The following SRD5A1 variants were observed in gnomAD, a reference collection of about 807,000 sequenced individuals.
SRD5A1 encodes the protein 3-oxo-5-alpha-steroid 4-dehydrogenase 1.
SRD5A1 carries 22 observed loss-of-function variants against 28.2 expected under a neutral mutation model. The observed-to-expected ratio is 0.78, with a 90% CI of 0.56 to 1.12. SRD5A1 has a LOEUF of 1.12. Among genes scored for constraint, SRD5A1 ranks in the 50% most tolerant of loss-of-function variants. The pLI, the probability that SRD5A1 is intolerant of heterozygous loss-of-function variation, is 0.00. For synonymous variants in SRD5A1, 151 were observed against 135.0 expected (o/e 1.12, Z -0.82); for missense variants, 300 against 346.7 (o/e 0.87, Z 1.07).
At chr5:6,661,357 A>G (rs1738993753) in intron 3 of SRD5A1, among the ~76,000 whole-genome samples, 1 of 149,392 alleles carries the variant, frequency 6.7e-6, no homozygotes, top group South Asian at 2.1e-4. Context: ...CCTAGCCAGC[A>G]TAGTGAAACC....
At chr5:6,650,332 G>A (rs373916539) in intron 1 of SRD5A1, among the ~76,000 whole-genome samples, 93 of 151,326 alleles carry the variant, frequency 6.1e-4, no homozygotes, top group African/African-American at 1.2e-3. Context: ...GATCACTTGA[G>A]CCTAGGATGT....
In SRD5A1 at chr5:6,674,172, A is replaced by T. The variant is rs1167664127; in HGVS notation, c.*5904A>T. ...TTATTATCTAAAATGTTATTTAATT[A>T]TTAAATTTAGATGCTACTTAATTTT... is the stretch of plus-strand genomic sequence containing the variant. On this transcript the variant is annotated 3_prime_UTR_variant, in exon 5 of 5. Coordinates refer to ENST00000274192, the MANE Select transcript of SRD5A1 (RefSeq NM_001047.4). The T allele has an allele frequency of 2.7e-5, 4 of 150,618 alleles. No homozygotes were observed. The highest frequency in any genetic ancestry group is 4.4e-5 in the Non-Finnish European group (3 of 67,970). 9.3% of individuals were successfully genotyped at this position (150,618 alleles called of 1,614,324 possible). A position where few individuals can be genotyped will look rare whatever the true frequency, so the allele number is the denominator to read the frequency against.
At chr5:6,636,347 A>G (rs2126522793) in intron 1 of SRD5A1, among the ~76,000 whole-genome samples, 1 of 152,206 alleles carries the variant, frequency 6.6e-6, no homozygotes, top group South Asian at 2.1e-4. Context: ...GGAGAACACC[A>G]CACCCGGTGA....
rs1739308658 is a variant in SRD5A1 at position 6,669,778 on chromosome 5, C to T, written c.*1510C>T. 1 of 152,212 alleles carries T rather than the reference C, an allele frequency of 6.6e-6. No individual in the cohort carries two copies. Among genetic ancestry groups the T allele is most frequent in the Non-Finnish European group, 1.5e-5 (1 of 68,054 alleles). 9.4% of individuals were successfully genotyped at this position (152,212 alleles called of 1,614,324 possible). Reference sequence around the variant, plus strand: ...AGTTAAATCTGATGAGCTGAACATACACCTTTCCTTCTCCCCTCTCTATTC... The same window carrying T: ...AGTTAAATCTGATGAGCTGAACATATACCTTTCCTTCTCCCCTCTCTATTC... On this transcript the variant is annotated 3_prime_UTR_variant, in exon 5 of 5. Transcript: ENST00000274192.
intron 3 of SRD5A1, among the ~76,000 whole-genome samples, chr5:6,658,399 C>T (rs891563465): frequency 7.9e-5 from 12 of 152,184 alleles, no homozygotes; most frequent in South Asian, 6.2e-4. Flanking sequence ...ACACCTGCGA[C>T]GAACCCGCAA....
At chr5:6,659,895 G>A (rs980617814) in intron 3 of SRD5A1, among the ~76,000 whole-genome samples, 7 of 152,142 alleles carry the variant, frequency 4.6e-5, no homozygotes, top group Admixed American at 2.0e-4. Flanking sequence ...AGCTCCCTTC[G>A]CTGCAGACTC....
At position 6,633,562 on chromosome 5, in the gene SRD5A1, T is replaced by C. The variant is rs1000117715; in HGVS notation, c.-15T>C. 3 of 1,496,328 alleles carry C rather than the reference T, an allele frequency of 2.0e-6. No homozygotes were observed. Among genetic ancestry groups the C allele is most frequent in the Non-Finnish European group, 2.7e-6 (3 of 1,130,456 alleles). The allele number at this position is 1,496,328 out of a possible 1,614,324, so 92.7% of individuals were successfully genotyped here. A position where few individuals can be genotyped will look rare whatever the true frequency, so the allele number is the denominator to read the frequency against. ...GCGGCCTCTGGGGCATGGAGCACGC[T>C]GCCCAGCCCTGGCGATGGCAACGGC... On this transcript the variant is annotated 5_prime_UTR_variant, in exon 1 of 5. Coordinates refer to ENST00000274192, the MANE Select transcript of SRD5A1 (RefSeq NM_001047.4).
Position 6,670,973 on chromosome 5 carries a change from G to T in SRD5A1, c.*2705G>T, listed in dbSNP as rs1739343793. ...ATTGTGCTGCTATAAACATGTGCGTGCAAGTATCTTTTTTTGAATAATGAC... is the reference window on the plus strand; with the variant it reads ...ATTGTGCTGCTATAAACATGTGCGTTCAAGTATCTTTTTTTGAATAATGAC... On this transcript the variant is annotated 3_prime_UTR_variant, in exon 5 of 5. Coordinates refer to ENST00000274192, the MANE Select transcript of SRD5A1 (RefSeq NM_001047.4). 6.6e-6 allele frequency: 1 copy of T among 152,180 alleles called. No homozygotes were observed. The highest frequency in any genetic ancestry group is 2.4e-5 in the African/African-American group (1 of 41,442). 9.4% of individuals were successfully genotyped at this position (152,180 alleles called of 1,614,324 possible). A position where few individuals can be genotyped will look rare whatever the true frequency, so the allele number is the denominator to read the frequency against.
At chr5:6,658,050 C>T (rs943003780) in intron 3 of SRD5A1, among the ~76,000 whole-genome samples, 1 of 152,198 alleles carries the variant, frequency 6.6e-6, no homozygotes, top group Non-Finnish European at 1.5e-5. Context: ...GGAGGCCAAG[C>T]GTGGTGGCTG....
chr5:6,663,114 C>G, intron 4 of SRD5A1, 148 bp downstream of exon 4: 3 of 959,090 alleles, frequency 3.1e-6, no homozygotes, highest in Non-Finnish European at 4.6e-6. Context: ...AACCAAATAG[C>G]TGTAGAATCA....
chr5:6,645,544 C>A (rs986677829), intron 1 of SRD5A1, among the ~76,000 whole-genome samples: 6 of 151,534 alleles, frequency 4.0e-5, no homozygotes, highest in Non-Finnish European at 8.8e-5. Context: ...GAGGCTGAGG[C>A]AGGAGAATCG....
At chr5:6,661,555 C>CA (rs1395588811) in intron 3 of SRD5A1, among the ~76,000 whole-genome samples, 6 of 110,494 alleles carry the variant, frequency 5.4e-5, no homozygotes, top group African/African-American at 2.2e-4. Flanking sequence ...TTTTTTGAGA[C>CA]AGAGTCTAGG....
At chr5:6,645,639 C>CA (rs35510604) in intron 1 of SRD5A1, among the ~76,000 whole-genome samples, 72 of 121,574 alleles carry the variant, frequency 5.9e-4, no homozygotes, top group East Asian at 2.0e-3. Flanking sequence ...AACTCCATCT[C>CA]AAAAAAAAAA....
rs982421833 is a variant in SRD5A1, at chr5:6,664,686, G to A, written c.713+1720G>A. Among the ~76,000 whole-genome samples, 105 of 152,228 alleles carry A rather than the reference G, an allele frequency of 6.9e-4. 9 individuals carry two copies. The highest frequency in any genetic ancestry group is 7.8e-4 in the Admixed American group (12 of 15,290). On this transcript the variant is annotated intron_variant, in intron 4 of 4. Transcript: ENST00000274192. ...CTCCTGAAGTGCTAGGATTCGAGGC[G>A]TGAGCCAACGTGGCTGGCCTCTTTG... is the stretch of plus-strand genomic sequence containing the variant.
At chr5:6,646,206 G>A (rs1738507091) in intron 1 of SRD5A1, among the ~76,000 whole-genome samples, 1 of 152,134 alleles carries the variant, frequency 6.6e-6, no homozygotes, top group Admixed American at 6.5e-5. Flanking sequence ...AGTATTCCAT[G>A]GTGTATATGT....
chr5:6,659,174 C>T (rs898804958), intron 3 of SRD5A1, among the ~76,000 whole-genome samples: 4 of 150,292 alleles, frequency 2.7e-5, no homozygotes, highest in Admixed American at 6.6e-5. Flanking sequence ...AGTGCAGTGG[C>T]GCGATCTCGG....
chr5:6,667,232 G>A (rs1486920847), intron 4 of SRD5A1, among the ~76,000 whole-genome samples: 3 of 152,252 alleles, frequency 2.0e-5, no homozygotes, highest in Admixed American at 1.3e-4. Flanking sequence ...CATGCCAGGG[G>A]AAGTGACGCT....
chr5:6,666,817 G>T (rs570559506), intron 4 of SRD5A1, among the ~76,000 whole-genome samples: 1 of 152,058 alleles, frequency 6.6e-6, no homozygotes, highest in Non-Finnish European at 1.5e-5. Context: ...GCGTTTTCTC[G>T]GCATCCTGCG....
At chr5:6,650,917 GT>G (rs898733139) in intron 1 of SRD5A1, among the ~76,000 whole-genome samples, 267 of 151,356 alleles carry the variant, frequency 1.8e-3, no homozygotes, top group African/African-American at 6.3e-3. Flanking sequence ...TCTTGTGATA[GT>G]TTACTGAGAA....
Sources: allele counts gnomAD v4.1 joint callset (sites outside exome capture counted in the v4.1 genomes callset), GRCh38; gene constraint gnomAD v4.1.1; transcripts MANE v1.5; gene names NCBI Gene and HGNC (gene_info 2026-07-23, HGNC 2026-07-21).